RALGAPB: variants seen among roughly 807,000 people sequenced by gnomAD.
RALGAPB encodes ral GTPase-activating protein subunit beta.
Under a neutral mutation model 161.1 loss-of-function variants are expected in RALGAPB, and 25 were observed. The ratio of observed to expected loss-of-function variants is 0.16; its 90% confidence interval spans 0.11 to 0.22. The LOEUF (loss-of-function observed/expected upper bound fraction) is 0.22. Ranked by LOEUF, RALGAPB falls within the 10% of genes least tolerant of loss-of-function variation. RALGAPB has a pLI of 1.00. For missense variants in RALGAPB, 1,391 were observed against 1,815.2 expected, an observed-to-expected ratio of 0.77 and a Z score of 4.25; for synonymous variants, 629 against 626.1, an observed-to-expected ratio of 1.00 and a Z score of -0.07.
intron 13 of RALGAPB, 86 bp downstream of exon 13, chr20:38,526,128 G>A (rs1191328888): frequency 1.1e-5 from 16 of 1,419,998 alleles, no homozygotes; most frequent in Non-Finnish European, 1.6e-5. Context: ...GGTAATGGGA[G>A]CCTAAACCTA....
chr20:38,512,846 G>A (rs960881504), intron 6 of RALGAPB, among the ~76,000 whole-genome samples: 2 of 152,094 alleles, frequency 1.3e-5, no homozygotes, highest in African/African-American at 2.4e-5. Context: ...TGCAAGTTCC[G>A]CCTCCTGGGT....
At chr20:38,478,300 G>C (rs1302285993) in intron 1 of RALGAPB, among the ~76,000 whole-genome samples, 3 of 152,216 alleles carry the variant, frequency 2.0e-5, no homozygotes, top group Non-Finnish European at 4.4e-5. Flanking sequence ...CTAGTGGTTA[G>C]TGACGTCTGT....
chr20:38,486,546 T>A (rs2085121609), intron 1 of RALGAPB, among the ~76,000 whole-genome samples: 1 of 152,128 alleles, frequency 6.6e-6, no homozygotes, highest in South Asian at 2.1e-4. Context: ...CTGAATGGGG[T>A]CTAGGAGTCT....
intron 27 of RALGAPB, among the ~76,000 whole-genome samples, chr20:38,570,370 G>A (rs1022199203): frequency 1.3e-5 from 2 of 152,130 alleles, no homozygotes; most frequent in African/African-American, 2.4e-5. Flanking sequence ...CTACTGTCTC[G>A]TTTTAGTATA....
chr20:38,560,980 G>A (rs375134200), intron 23 of RALGAPB, among the ~76,000 whole-genome samples: 36 of 152,276 alleles, frequency 2.4e-4, no homozygotes, highest in East Asian at 7.7e-4. Flanking sequence ...GTTTCTTGGC[G>A]TCCATAAGAA....
At chr20:38,497,975 A>T (rs1310697825) in intron 4 of RALGAPB, among the ~76,000 whole-genome samples, 1 of 151,496 alleles carries the variant, frequency 6.6e-6, no homozygotes, top group Non-Finnish European at 1.5e-5. Context: ...AGGCTGAGGC[A>T]GGAGAATTGC....
chr20:38,483,349 G>A (rs1236023930), intron 1 of RALGAPB, among the ~76,000 whole-genome samples: 1 of 152,078 alleles, frequency 6.6e-6, no homozygotes, highest in Non-Finnish European at 1.5e-5. Flanking sequence ...ATGTTTTTAT[G>A]CTTCTCTGTA....
chr20:38,558,461 T>C lies in RALGAPB; in HGVS notation c.3531+8T>C. On this transcript the variant is annotated splice_region_variant and intron_variant, in intron 23 of 29. Coordinates refer to ENST00000262879, the MANE Select transcript of RALGAPB (RefSeq NM_020336.4). ...CAGAAAACGAACCAAGAGGTAAGAG[T>C]TACGAATTTTTTTTTTTTGGTATGT... 6.4e-7 allele frequency: 1 copy of C among 1,555,664 alleles called. No individual in the cohort carries two copies. The highest frequency in any genetic ancestry group is 8.7e-7 in the Non-Finnish European group (1 of 1,150,632).
At chr20:38,528,857 T>A (rs902634788) in intron 13 of RALGAPB, among the ~76,000 whole-genome samples, 17 of 152,136 alleles carry the variant, frequency 1.1e-4, no homozygotes, top group African/African-American at 4.1e-4. Flanking sequence ...ATTTTTGTAT[T>A]TTTTAGTAGA....
intron 26 of RALGAPB, chr20:38,569,596 A>G (rs558872564): frequency 3.4e-6 from 1 of 292,346 alleles, no homozygotes; most frequent in East Asian, 6.3e-5. Flanking sequence ...TTAAGCCCTC[A>G]TTAAGATACT....
chr20:38,561,384 G>A (rs1362000456), intron 23 of RALGAPB, among the ~76,000 whole-genome samples: 2 of 152,186 alleles, frequency 1.3e-5, no homozygotes, highest in Non-Finnish European at 1.5e-5. Flanking sequence ...GAGATGATTT[G>A]CAGTGGGTCA....
chr20:38,574,319 C>G (rs16987420), intron 29 of RALGAPB, 21 bp downstream of exon 29: 2 of 1,556,502 alleles, frequency 1.3e-6, no homozygotes, highest in Non-Finnish European at 1.7e-6. Context: ...CATATGTGGC[C>G]GAAGAGTTAA....
Position 38,516,271 on chromosome 20 carries a change from A to G in RALGAPB, c.952A>G (p.Met318Val), listed in dbSNP as rs2086119899. The change falls in exon 7 of 30, where the codon ATG (methionine) becomes GTG (valine). Residue 318 changes from methionine to valine, a missense_variant. Met to Val is a conservative substitution (Grantham distance 21). Transcript: ENST00000262879. ...GGAACAGTTCTTGAATGTGAGCGGA[A>G]TGCCGCAAGAATTGAATCAGTATCC... Reference protein sequence around the residue: ...FQEQFLNVSGMPQELNQYPCL... With the variant: ...FQEQFLNVSGVPQELNQYPCL... The G allele has an allele frequency of 1.2e-6, 2 of 1,613,614 alleles. No individual in the cohort carries two copies. The highest frequency in any genetic ancestry group is 1.7e-5 in the Admixed American group (1 of 59,972).
chr20:38,530,076 G>A (rs908792380), intron 13 of RALGAPB, among the ~76,000 whole-genome samples: 8 of 152,166 alleles, frequency 5.3e-5, no homozygotes, highest in Non-Finnish European at 7.3e-5. Flanking sequence ...GTCCCATGGC[G>A]TTAGTCAAGG....
At chr20:38,560,769 A>G (rs1046080506) in intron 23 of RALGAPB, among the ~76,000 whole-genome samples, 1 of 152,146 alleles carries the variant, frequency 6.6e-6, no homozygotes, top group East Asian at 1.9e-4. Flanking sequence ...ATTTCCTGAG[A>G]TCTCCTTTGG....
intron 5 of RALGAPB, among the ~76,000 whole-genome samples, chr20:38,507,304 A>G (rs1210132515): frequency 6.6e-6 from 1 of 152,088 alleles, no homozygotes; most frequent in Non-Finnish European, 1.5e-5. Flanking sequence ...CATATTTTTA[A>G]TGGTTTTGTA....
At chr20:38,508,668 C>T (rs2085842974) in intron 5 of RALGAPB, among the ~76,000 whole-genome samples, 1 of 152,090 alleles carries the variant, frequency 6.6e-6, no homozygotes, top group Non-Finnish European at 1.5e-5. Flanking sequence ...ATGCTGATAA[C>T]AACACGTGTA....
Position 38,531,300 on chromosome 20 carries a change from TG to T in RALGAPB, c.2115+70del, listed in dbSNP as rs1177655449. Reference sequence around the variant, plus strand: ...ATTTCATGTAAATTATATTCCAGAATGTCCATCTTTGTGAATTTTAAAGGCC... The same window carrying T: ...ATTTCATGTAAATTATATTCCAGAATTCCATCTTTGTGAATTTTAAAGGCC... On this transcript the variant is annotated intron_variant, in intron 14 of 29. Transcript: ENST00000262879. 6.1e-6 allele frequency: 8 copies of T among 1,318,570 alleles called. No homozygotes were observed. The East Asian group carries it at 1.9e-4, about 31-fold the overall frequency. 81.7% of individuals were successfully genotyped at this position (1,318,570 alleles called of 1,614,324 possible). A position where few individuals can be genotyped will look rare whatever the true frequency, so the allele number is the denominator to read the frequency against.
intron 15 of RALGAPB, among the ~76,000 whole-genome samples, chr20:38,534,832 C>T (rs1406979297): frequency 6.6e-6 from 1 of 152,216 alleles, no homozygotes; most frequent in Non-Finnish European, 1.5e-5. Flanking sequence ...CCAAATCCCA[C>T]GGTTGTGTCA....
Sources: allele counts gnomAD v4.1 joint callset (sites outside exome capture counted in the v4.1 genomes callset), GRCh38; gene constraint gnomAD v4.1.1; transcripts MANE v1.5; gene names NCBI Gene and HGNC (gene_info 2026-07-23, HGNC 2026-07-21).